The following WFDC10B variants were observed in gnomAD, a reference collection of about 807,000 sequenced individuals.
WFDC10B encodes WAP four-disulfide core domain 10B, also known as protein WFDC10B.
Under a neutral mutation model 2.7 loss-of-function variants are expected in WFDC10B, and 1 was observed. The observed-to-expected ratio is 0.38, with a 90% CI of 0.13 to 1.79. WFDC10B has a LOEUF of 1.79. WFDC10B is among the 40% of genes most tolerant of loss of function. The pLI is 0.33. For missense variants in WFDC10B, 71 were observed against 87.8 expected (o/e 0.81, Z 0.76); for synonymous variants, 26 against 32.2 (o/e 0.81, Z 0.65).
chr20:45,704,294 A>C (rs1330994727), intron 2 of WFDC10B: 11 of 976,706 alleles, frequency 1.1e-5, no homozygotes, highest in Non-Finnish European at 1.6e-5. Context: ...GGAAGGCAGC[A>C]GCTGAGGACA....
intron 2 of WFDC10B, among the ~76,000 whole-genome samples, chr20:45,701,500 AC>A (rs774272829): frequency 1.3e-5 from 2 of 152,124 alleles, no homozygotes; most frequent in Non-Finnish European, 2.9e-5. Context: ...GGTGGCTCAC[AC>A]CTGTAATCCT....
intron 2 of WFDC10B, among the ~76,000 whole-genome samples, chr20:45,696,064 A>T (rs1230992668): frequency 3.3e-5 from 5 of 152,038 alleles, no homozygotes; most frequent in Non-Finnish European, 7.4e-5. Flanking sequence ...AGGCAGGCAG[A>T]TCACGAGGTC....
chr20:45,690,721 CTTCTCTCTTTTT>C (rs562585473), intron 2 of WFDC10B, among the ~76,000 whole-genome samples: 1,527 of 151,736 alleles, frequency 0.01, 27 homozygotes, highest in African/African-American at 0.035. Flanking sequence ...CTATTTGATT[CTTCTCTCTTTTT>C]TTATTAGTCT....
At position 45,702,083 on chromosome 20, in the gene WFDC10B, C is replaced by A. The variant is rs377369558; in HGVS notation, c.-65+2414G>T. The A allele has an allele frequency of 1.1e-5, 18 of 1,590,564 alleles. No individual in the cohort carries two copies. The African/African-American group carries it at 1.9e-4, about 17-fold the overall frequency. ...CACAGCAGTGCCTGGTCAAACCCAGCAACCCTTGGCCAGAACTTACTCACC... is the reference window on the plus strand; with the variant it reads ...CACAGCAGTGCCTGGTCAAACCCAGAAACCCTTGGCCAGAACTTACTCACC... On this transcript the variant is annotated intron_variant, in intron 2 of 3. Coordinates refer to ENST00000330523, the MANE Select transcript of WFDC10B (RefSeq NM_172006.2).
intron 2 of WFDC10B, among the ~76,000 whole-genome samples, chr20:45,687,863 ATT>A (rs1491583290): frequency 7.5e-6 from 1 of 133,086 alleles, no homozygotes; most frequent in African/African-American, 2.8e-5. Context: ...CTTTTCTTTT[ATT>A]ATTATTATTA....
At chr20:45,703,403 C>T (rs191015856) in intron 2 of WFDC10B, among the ~76,000 whole-genome samples, 3 of 152,332 alleles carry the variant, frequency 2.0e-5, no homozygotes, top group Admixed American at 2.0e-4. Context: ...CAGTTATAGT[C>T]ATGACCTCTT....
At chr20:45,687,314 C>T (rs1203469920) in intron 2 of WFDC10B, among the ~76,000 whole-genome samples, 1 of 152,152 alleles carries the variant, frequency 6.6e-6, no homozygotes, top group Admixed American at 6.6e-5. Context: ...GCTTGTAGTT[C>T]CATCCATGTC....
chr20:45,691,085 C>T (rs533238369), intron 2 of WFDC10B, among the ~76,000 whole-genome samples: 1,762 of 152,108 alleles, frequency 0.012, 34 homozygotes, highest in African/African-American at 0.039. Context: ...GCCTTCATTT[C>T]GTTATGTACC....
intron 2 of WFDC10B, chr20:45,701,984 G>A: frequency 1.4e-6 from 1 of 720,956 alleles, no homozygotes; most frequent in South Asian, 1.8e-5. Context: ...TGCCCTGCCG[G>A]TTTTGATTGG....
intron 2 of WFDC10B, among the ~76,000 whole-genome samples, chr20:45,703,708 A>G (rs1288554139): frequency 6.6e-6 from 1 of 152,122 alleles, no homozygotes; most frequent in African/African-American, 2.4e-5. Flanking sequence ...GAACTGAAAT[A>G]CTTGGGGGTA....
At chr20:45,700,407 C>T (rs1313324779) in intron 2 of WFDC10B, among the ~76,000 whole-genome samples, 1 of 152,118 alleles carries the variant, frequency 6.6e-6, no homozygotes. Flanking sequence ...ATGAGAAAGA[C>T]AAGTTACAGG....
chr20:45,700,142 T>C (rs1315492440), intron 2 of WFDC10B, among the ~76,000 whole-genome samples: 2 of 152,166 alleles, frequency 1.3e-5, no homozygotes, highest in African/African-American at 4.8e-5. Flanking sequence ...GCTATATGAC[T>C]AAGGTGTATG....
intron 2 of WFDC10B, among the ~76,000 whole-genome samples, chr20:45,693,951 G>A (rs981748692): frequency 2.7e-5 from 4 of 146,626 alleles, no homozygotes; most frequent in African/African-American, 7.6e-5. Context: ...GAACGGAGCT[G>A]TTCCTATTCA....
In WFDC10B at chr20:45,704,937, C is replaced by T. The variant is rs750191472; in HGVS notation, c.-149G>A. 22 of 1,614,160 alleles carry T rather than the reference C, an allele frequency of 1.4e-5. No individual in the cohort carries two copies. In the South Asian group the frequency reaches 2.1e-4, roughly 15 times the overall value. Reference sequence around the variant, plus strand: ...CTGTACCTGCAGGTGTAACCAAAATCCCAAAGCAAAATTTGTCCTACACTT... The same window carrying T: ...CTGTACCTGCAGGTGTAACCAAAATTCCAAAGCAAAATTTGTCCTACACTT... On this transcript the variant is annotated 5_prime_UTR_variant, in exon 1 of 4. Coordinates refer to ENST00000330523, the MANE Select transcript of WFDC10B (RefSeq NM_172006.2).
intron 2 of WFDC10B, among the ~76,000 whole-genome samples, chr20:45,690,454 T>C (rs1983775340): frequency 1.3e-5 from 2 of 151,824 alleles, no homozygotes; most frequent in Admixed American, 1.3e-4. Context: ...AATTCGGCTG[T>C]GAATCCATCT....
At chr20:45,703,240 A>G (rs1404778681) in intron 2 of WFDC10B, among the ~76,000 whole-genome samples, 1 of 152,112 alleles carries the variant, frequency 6.6e-6, no homozygotes, top group East Asian at 1.9e-4. Flanking sequence ...AAGCTCTTCA[A>G]AGTGTGGATT....
intron 2 of WFDC10B, among the ~76,000 whole-genome samples, chr20:45,699,100 G>C (rs777743983): frequency 2.0e-5 from 3 of 152,044 alleles, no homozygotes; most frequent in Non-Finnish European, 4.4e-5. Flanking sequence ...TTTTTGACTG[G>C]CTATAATTTC....
chr20:45,693,710 G>A (rs4812954), intron 2 of WFDC10B, among the ~76,000 whole-genome samples: 36,008 of 152,078 alleles, frequency 0.24, 4,879 homozygotes, highest in East Asian at 0.54. Flanking sequence ...GGAGTGACCC[G>A]ATTTTCCAGG....
chr20:45,686,053 CTGCCTG>C lies in WFDC10B; in HGVS notation c.-64-3_-62del, dbSNP rs151069665. On this transcript the variant is annotated splice_acceptor_variant and splice_polypyrimidine_tract_variant and 5_prime_UTR_variant and intron_variant, in exon 3 of 4. Transcript: ENST00000330523. LOFTEE classifies it low-confidence loss of function (5UTR_SPLICE). ...GGCAGTCACAGACTTCCCTGCAGAG[CTGCCTG>C]TGGAGAGGGAAGGAAATAAAGAAGG... 27 of 1,585,268 alleles carry C rather than the reference CTGCCTG, an allele frequency of 1.7e-5. No individual in the cohort carries two copies. In the African/African-American group the frequency reaches 3.2e-4, roughly 19 times the overall value.
Sources: gnomAD v4.1 joint callset for allele counts (sites outside exome capture counted in the v4.1 genomes callset) on GRCh38, gnomAD v4.1.1 for gene constraint, MANE v1.5 for transcripts, NCBI Gene and HGNC (gene_info 2026-07-23, HGNC 2026-07-21) for gene names.